LSAMP: variants seen among roughly 807,000 people sequenced by gnomAD.
The protein encoded by LSAMP is limbic system associated membrane protein.
LSAMP carries 7 observed loss-of-function variants against 38.6 expected under a neutral mutation model. That is an observed-to-expected ratio of 0.18 (90% CI 0.10 to 0.34). The LOEUF is 0.34. Among genes scored for constraint, LSAMP ranks in the 10% least tolerant of loss-of-function variants. The pLI, the probability that LSAMP is intolerant of heterozygous loss-of-function variation, is 1.00. For missense variants in LSAMP, 313 were observed against 420.0 expected, an observed-to-expected ratio of 0.75 and a Z score of 2.23; for synonymous variants, 154 against 166.8, an observed-to-expected ratio of 0.92 and a Z score of 0.59.
At chr3:116,177,403 A>G (rs4582055) in intron 1 of LSAMP, among the ~76,000 whole-genome samples, 3,565 of 152,170 alleles carry the variant, frequency 0.023, 134 homozygotes, top group African/African-American at 0.08. Context: ...TACAGAGCAC[A>G]TGAATACTCT....
intron 3 of LSAMP, among the ~76,000 whole-genome samples, chr3:115,946,311 T>G (rs2107568618): frequency 6.6e-6 from 1 of 152,248 alleles, no homozygotes; most frequent in African/African-American, 2.4e-5. Context: ...AATAAAAACT[T>G]TCTGTTGGCC....
At chr3:116,229,951 T>G (rs1352715753) in intron 1 of LSAMP, among the ~76,000 whole-genome samples, 1 of 152,158 alleles carries the variant, frequency 6.6e-6, no homozygotes, top group African/African-American at 2.4e-5. Context: ...GATTATACAT[T>G]TGGCATTTAC....
chr3:116,289,027 G>A (rs1009338988), intron 1 of LSAMP, among the ~76,000 whole-genome samples: 2 of 152,050 alleles, frequency 1.3e-5, no homozygotes, highest in Non-Finnish European at 2.9e-5. Flanking sequence ...ACAATACAGT[G>A]CACACTTAGA....
chr3:116,420,696 C>A (rs2049110166), intron 1 of LSAMP, among the ~76,000 whole-genome samples: 1 of 151,550 alleles, frequency 6.6e-6, no homozygotes, highest in Non-Finnish European at 1.5e-5. Context: ...CATGGTGAAA[C>A]CCCATCTCTA....
At chr3:116,238,449 C>T (rs1451989374) in intron 1 of LSAMP, among the ~76,000 whole-genome samples, 1 of 152,122 alleles carries the variant, frequency 6.6e-6, no homozygotes, top group Non-Finnish European at 1.5e-5. Flanking sequence ...ACACAAATAC[C>T]CATCCTGACT....
intron 1 of LSAMP, among the ~76,000 whole-genome samples, chr3:116,215,561 T>C (rs2046209958): frequency 6.6e-6 from 1 of 152,202 alleles, no homozygotes; most frequent in African/African-American, 2.4e-5. Context: ...GAACCTTTAC[T>C]TGAGAGAAAT....
intron 3 of LSAMP, among the ~76,000 whole-genome samples, chr3:115,930,672 C>G (rs1937567169): frequency 6.6e-6 from 1 of 152,286 alleles, no homozygotes; most frequent in Admixed American, 6.5e-5. Flanking sequence ...CTGTATAAAT[C>G]TTTAGATTTG....
intron 1 of LSAMP, among the ~76,000 whole-genome samples, chr3:116,290,273 T>C (rs1330704662): frequency 6.6e-6 from 1 of 152,192 alleles, no homozygotes; most frequent in Non-Finnish European, 1.5e-5. Context: ...TTCAATGTCA[T>C]GTCCCTGCAC....
Position 116,044,622 on chromosome 3 carries a change from T to TA in LSAMP, c.389-24983dup, listed in dbSNP as rs56917180. 6.9e-3 allele frequency among the ~76,000 whole-genome samples: 931 copies of TA among 135,894 alleles called. 20 individuals are homozygous for TA. The South Asian group carries it at 0.086, about 13-fold the overall frequency. The allele number at this position is 135,894 out of a possible 152,430, so 89.2% of individuals were successfully genotyped here. On this transcript the variant is annotated intron_variant, in intron 2 of 6. Coordinates refer to ENST00000490035, the MANE Select transcript of LSAMP (RefSeq NM_002338.5). ...CTGAAAGTAGAAATATAATTGTATCTAAAAAAAAAAAAAAACTAATGCAAA... is the reference window on the plus strand; with the variant it reads ...CTGAAAGTAGAAATATAATTGTATCTAAAAAAAAAAAAAAAACTAATGCAAA...
At chr3:116,358,677 A>G (rs1559840749) in intron 1 of LSAMP, among the ~76,000 whole-genome samples, 1 of 152,184 alleles carries the variant, frequency 6.6e-6, no homozygotes, top group Non-Finnish European at 1.5e-5. Flanking sequence ...AAGACATTCT[A>G]TCTCTTTATG....
chr3:116,107,599 T>G (rs1708497385), intron 1 of LSAMP, among the ~76,000 whole-genome samples: 1 of 152,164 alleles, frequency 6.6e-6, no homozygotes, highest in African/African-American at 2.4e-5. Context: ...AGCATGTGTG[T>G]TTTTAAGAGA....
chr3:116,121,997 C>T (rs2107489057), intron 1 of LSAMP, among the ~76,000 whole-genome samples: 1 of 151,408 alleles, frequency 6.6e-6, no homozygotes, highest in Non-Finnish European at 1.5e-5. Context: ...AAAGATTGGC[C>T]ACCCCTGTTC....
At chr3:116,020,827 AG>A (rs1393316740) in intron 2 of LSAMP, among the ~76,000 whole-genome samples, 1 of 152,216 alleles carries the variant, frequency 6.6e-6, no homozygotes, top group African/African-American at 2.4e-5. Flanking sequence ...TCCCTGAGAA[AG>A]TATGTGTCTG....
chr3:116,086,054 G>C (rs1468714683), intron 2 of LSAMP, among the ~76,000 whole-genome samples: 9 of 152,138 alleles, frequency 5.9e-5, no homozygotes, highest in Admixed American at 5.9e-4. Context: ...TGTTCCAACA[G>C]CTGTGGCTTT....
intron 1 of LSAMP, among the ~76,000 whole-genome samples, chr3:116,321,428 T>C (rs1030817178): frequency 4.6e-5 from 7 of 152,156 alleles, no homozygotes; most frequent in African/African-American, 1.7e-4. Context: ...AGAATAGTTA[T>C]AATCATTACC....
At chr3:116,273,769 A>C (rs2047009874) in intron 1 of LSAMP, among the ~76,000 whole-genome samples, 1 of 138,854 alleles carries the variant, frequency 7.2e-6, no homozygotes, top group East Asian at 2.1e-4. Context: ...TTTTATTTTG[A>C]ATTATGTAAT....
At chr3:116,353,552 C>T (rs928451643) in intron 1 of LSAMP, among the ~76,000 whole-genome samples, 4 of 152,048 alleles carry the variant, frequency 2.6e-5, no homozygotes, top group South Asian at 2.1e-4. Context: ...TAATCCAGTA[C>T]GTGCAGAGTA....
At chr3:116,286,514 C>T (rs2047196116) in intron 1 of LSAMP, among the ~76,000 whole-genome samples, 1 of 152,184 alleles carries the variant, frequency 6.6e-6, no homozygotes, top group African/African-American at 2.4e-5. Flanking sequence ...ATGCTGTTCT[C>T]TTTCAGGCTC....
intron 6 of LSAMP, among the ~76,000 whole-genome samples, chr3:115,837,293 ATT>A (rs34754406): frequency 4.0e-5 from 6 of 149,894 alleles, no homozygotes; most frequent in South Asian, 2.1e-4. Context: ...CCCAGTGTAG[ATT>A]TTTTTTTTTG....
Sources: allele counts gnomAD v4.1 joint callset (sites outside exome capture counted in the v4.1 genomes callset), GRCh38; gene constraint gnomAD v4.1.1; transcripts MANE v1.5; gene names NCBI Gene and HGNC (gene_info 2026-07-23, HGNC 2026-07-21).